THOC2: variants seen among roughly 807,000 people sequenced by gnomAD.
THOC2 encodes the protein THO complex subunit 2.
A neutral mutation model predicts 128.4 loss-of-function variants in THOC2; 10 were observed. That is an observed-to-expected ratio of 0.08 (90% CI 0.05 to 0.13). THOC2 has a LOEUF of 0.13. Ranked by LOEUF, THOC2 falls within the 10% of genes least tolerant of loss-of-function variation. The pLI, the probability that THOC2 is intolerant of heterozygous loss-of-function variation, is 1.00. For synonymous variants in THOC2, 393 were observed against 396.9 expected, an observed-to-expected ratio of 0.99 and a Z score of 0.12; for missense variants, 535 against 1,155.7, an observed-to-expected ratio of 0.46 and a Z score of 7.79.
intron 15 of THOC2, among the ~76,000 whole-genome samples, chrX:123,644,252 TAAAGGTA>T (rs1372127519): frequency 1.8e-5 from 2 of 111,881 alleles, no homozygotes; most frequent in Admixed American, 9.5e-5. Context: ...CACAAATCAC[TAAAGGTA>T]AGCAAAGGCC....
chrX:123,651,585 T>C (rs964162332), intron 12 of THOC2, among the ~76,000 whole-genome samples: 5 of 110,848 alleles, frequency 4.5e-5, no homozygotes, highest in Admixed American at 1.9e-4. Flanking sequence ...AAGACTCAAA[T>C]AGACACAATA....
chrX:123,652,730 C>A (rs1387816016), intron 12 of THOC2, among the ~76,000 whole-genome samples: 2 of 111,254 alleles, frequency 1.8e-5, no homozygotes, highest in Non-Finnish European at 3.8e-5. Context: ...ATGTGAAGGA[C>A]CTCCTCAAGG....
chrX:123,623,173 C>A lies in THOC2; in HGVS notation c.3614G>T (p.Gly1205Val). 8.3e-7 allele frequency: 1 copy of A among 1,211,534 alleles called. No homozygotes were observed. Among genetic ancestry groups the A allele is most frequent in the Non-Finnish European group, 1.1e-6 (1 of 895,238 alleles). The change falls in exon 29 of 39, where the codon GGT (glycine) becomes GTT (valine). Residue 1205 changes from glycine to valine, a missense_variant. Physicochemically the swap from Gly to Val is moderately radical, Grantham distance 109. This residue lies in a region of THOC2 where 116 missense variants were observed against 180.0 expected (regional missense o/e 0.64). Transcript: ENST00000245838. ...TATTGATGATGAAGAAGGCCCACCA[C>A]CAGGCCCATTTTGCACACTGGCAAC... ...NAVASVQNGP[G>V]GGPSSSSIGS...
chrX:123,699,746 T>G (rs1333928164), intron 4 of THOC2, among the ~76,000 whole-genome samples: 1 of 112,043 alleles, frequency 8.9e-6, no homozygotes, highest in Non-Finnish European at 1.9e-5. Flanking sequence ...ACACTTACTC[T>G]CTGAGGGTTT....
chrX:123,692,615 C>T (rs1481851421), intron 7 of THOC2, among the ~76,000 whole-genome samples: 1 of 108,263 alleles, frequency 9.2e-6, no homozygotes, highest in Non-Finnish European at 1.9e-5. Flanking sequence ...GATTCTCCTG[C>T]CCAAGCCTTC....
At chrX:123,649,225 C>T (rs1168413503) in intron 12 of THOC2, among the ~76,000 whole-genome samples, 5 of 111,952 alleles carry the variant, frequency 4.5e-5, no homozygotes, top group Non-Finnish European at 7.5e-5. Context: ...AGCAGAGGGG[C>T]CTGACTATTA....
intron 26 of THOC2, 62 bp downstream of exon 26, chrX:123,624,479 G>A (rs2047188911): frequency 9.3e-7 from 1 of 1,071,095 alleles, no homozygotes; most frequent in Non-Finnish European, 1.3e-6. Flanking sequence ...CAACTATCTA[G>A]ATATTAATGG....
At chrX:123,606,830 A>C (rs1178608822) in intron 38 of THOC2, among the ~76,000 whole-genome samples, 1 of 111,408 alleles carries the variant, frequency 9.0e-6, no homozygotes, top group East Asian at 2.8e-4. Flanking sequence ...GCTAACTGCT[A>C]ATGTTCTTTA....
At chrX:123,623,081 A>G (rs769819607) in intron 29 of THOC2, 24 bp downstream of exon 29, 1 of 1,161,207 alleles carries the variant, frequency 8.6e-7, no homozygotes, top group South Asian at 1.9e-5. Flanking sequence ...TATATTACTT[A>G]TAAGTTTCTA....
At chrX:123,704,982 T>C (rs1002774324) in intron 3 of THOC2, among the ~76,000 whole-genome samples, 1 of 112,333 alleles carries the variant, frequency 8.9e-6, no homozygotes, top group Non-Finnish European at 1.9e-5. Flanking sequence ...TATTTTCCAT[T>C]AGAAGGGATC....
chrX:123,702,475 C>A (rs2050740209), intron 4 of THOC2, among the ~76,000 whole-genome samples: 1 of 104,093 alleles, frequency 9.6e-6, no homozygotes, highest in Non-Finnish European at 1.9e-5. Flanking sequence ...CCATCTCTAC[C>A]AATATATATA....
At chrX:123,685,972 C>T (rs2049986728) in intron 8 of THOC2, among the ~76,000 whole-genome samples, 1 of 111,391 alleles carries the variant, frequency 9.0e-6, no homozygotes, top group Admixed American at 9.6e-5. Context: ...GTGGGAGGTT[C>T]ACTTCGGACC....
At position 123,626,629 on chromosome X, in the gene THOC2, A is replaced by C; in HGVS notation, c.2791T>G (p.Cys931Gly). Residue 931 changes from cysteine (C) to glycine (G), a missense_variant, in exon 24 of 39, where the codon TGT becomes GGT. Coordinates refer to ENST00000245838, the MANE Select transcript of THOC2 (RefSeq NM_001081550.2). ...PNKKKKEKER[C>G]TALQDKLLEE... is the part of the protein sequence containing the mutation. ...AGAAGCTTGTCCTGAAGGGCAGTAC[A>C]GCGCTCCTTCTCTTTTTTCTTTTTA... The C allele has an allele frequency of 8.4e-7, 1 of 1,196,534 alleles. No individual in the cohort carries two copies. Among genetic ancestry groups the C allele is most frequent in the Non-Finnish European group, 1.1e-6 (1 of 891,019 alleles).
At chrX:123,710,837 A>T (rs930950253) in intron 2 of THOC2, among the ~76,000 whole-genome samples, 1 of 106,770 alleles carries the variant, frequency 9.4e-6, no homozygotes, top group Admixed American at 1.0e-4. Context: ...TAAAAATACA[A>T]AAGTTCGCCG....
At chrX:123,634,635 T>C (rs978082654) in intron 19 of THOC2, among the ~76,000 whole-genome samples, 1 of 112,142 alleles carries the variant, frequency 8.9e-6, no homozygotes, top group African/African-American at 3.2e-5. Context: ...AAGTCCTTCA[T>C]AGCATTTTTT....
intron 38 of THOC2, chrX:123,603,606 T>C: frequency 3.1e-6 from 2 of 644,586 alleles, no homozygotes; most frequent in Non-Finnish European, 5.1e-6. Context: ...TGGTGTGTAC[T>C]CATCTTCTGA....
chrX:123,619,490 G>C, intron 32 of THOC2, 54 bp from the exon 33 acceptor site: 2 of 1,198,480 alleles, frequency 1.7e-6, no homozygotes. Context: ...TCAGAACCCA[G>C]AGGAACTTTG....
chrX:123,640,661 T>G (rs1320769935), intron 15 of THOC2, 39 bp from the exon 16 acceptor site: 3 of 828,441 alleles, frequency 3.6e-6, no homozygotes, highest in Non-Finnish European at 5.2e-6. Flanking sequence ...TCATCTTAAG[T>G]AACATTCCTT....
At chrX:123,709,869 T>C (rs1206682865) in intron 2 of THOC2, among the ~76,000 whole-genome samples, 3 of 111,172 alleles carry the variant, frequency 2.7e-5, no homozygotes, top group Non-Finnish European at 5.7e-5. Context: ...GTACCCCAAT[T>C]ACTCATGTTT....
Sources: allele counts gnomAD v4.1 joint callset (sites outside exome capture counted in the v4.1 genomes callset), GRCh38; gene constraint gnomAD v4.1.1; regional missense constraint gnomAD v4.1.1; transcripts MANE v1.5; gene names NCBI Gene and HGNC (gene_info 2026-07-23, HGNC 2026-07-21).